GCN1: variants seen among roughly 807,000 people sequenced by gnomAD.
GCN1 encodes the protein stalled ribosome sensor GCN1.
GCN1 carries 90 observed loss-of-function variants against 288.4 expected under a neutral mutation model. That is an observed-to-expected ratio of 0.31 (90% CI 0.26 to 0.37). GCN1 has a LOEUF of 0.37. Ranked by LOEUF, GCN1 falls within the 10% of genes least tolerant of loss-of-function variation. The pLI is 1.00. For synonymous variants in GCN1, 1,386 were observed against 1,420.2 expected (o/e 0.98, Z 0.54); for missense variants, 2,586 against 3,419.9 (o/e 0.76, Z 6.08).
rs547436710 is a variant in GCN1 at position 120,152,815 on chromosome 12, T to C, written c.4062+398A>G. On this transcript the variant is annotated intron_variant, in intron 33 of 57. Transcript: ENST00000300648. ...CACATGTAGAGGGCCAGAAAAAGGC[T>C]TGACATAAGAGAAAGCCTGACCTTT... 3.3e-5 allele frequency among the ~76,000 whole-genome samples: 5 copies of C among 152,062 alleles called. No individual in the cohort carries two copies. In the Middle Eastern group the frequency reaches 0.014, roughly 417 times the overall value.
rs879447996 is a variant in GCN1 at position 120,136,044 on chromosome 12, C to CA, written c.7008+457dup. Among the ~76,000 whole-genome samples the CA allele has an allele frequency of 3.4e-3, 515 of 150,184 alleles. 1 individual carries two copies. The highest frequency in any genetic ancestry group is 5.9e-3 in the Non-Finnish European group (397 of 67,430). On this transcript the variant is annotated intron_variant, in intron 51 of 57. Coordinates refer to ENST00000300648, the MANE Select transcript of GCN1 (RefSeq NM_006836.2). ...AAACAAAACAAAACAAAACAAAAAA[C>CA]AAAAAAAAACAAAAACTGCAATATC...
At chr12:120,192,178 T>C (rs1879023547) in intron 1 of GCN1, among the ~76,000 whole-genome samples, 1 of 152,236 alleles carries the variant, frequency 6.6e-6, no homozygotes, top group African/African-American at 2.4e-5. Flanking sequence ...TTTTGCCATT[T>C]GTCTAAATCT....
At chr12:120,161,835 T>C (rs201687785) in intron 21 of GCN1, 45 bp downstream of exon 21, 52 of 1,575,844 alleles carry the variant, frequency 3.3e-5, no homozygotes, top group Non-Finnish European at 4.4e-5. Context: ...AAGAAAACTA[T>C]GCCTTGGGGA....
chr12:120,169,856 T>C (rs1427097941), intron 15 of GCN1, among the ~76,000 whole-genome samples: 2 of 152,220 alleles, frequency 1.3e-5, no homozygotes, highest in Non-Finnish European at 2.9e-5. Flanking sequence ...TATATCCTTT[T>C]GAATTTTGTA....
intron 53 of GCN1, among the ~76,000 whole-genome samples, chr12:120,133,947 G>A (rs1246621068): frequency 6.6e-6 from 1 of 152,128 alleles, no homozygotes; most frequent in Non-Finnish European, 1.5e-5. Flanking sequence ...GCGGACACCT[G>A]TAATCCCAGC....
intron 51 of GCN1, among the ~76,000 whole-genome samples, chr12:120,135,113 T>C (rs916799042): frequency 3.9e-5 from 6 of 152,164 alleles, no homozygotes; most frequent in African/African-American, 1.2e-4. Flanking sequence ...ACAGTTCTAA[T>C]GCCAAGACAG....
chr12:120,147,785 G>A (rs976211320), intron 37 of GCN1, among the ~76,000 whole-genome samples: 1 of 152,094 alleles, frequency 6.6e-6, no homozygotes, highest in East Asian at 1.9e-4. Context: ...CCTAGCGATC[G>A]ACCTCTTCCC....
At chr12:120,149,418 C>A (rs1254516273) in intron 36 of GCN1, among the ~76,000 whole-genome samples, 188 bp downstream of exon 36, 1 of 151,992 alleles carries the variant, frequency 6.6e-6, no homozygotes, top group Non-Finnish European at 1.5e-5. Context: ...ATGGTTTGAG[C>A]CCCAAAGGTA....
At chr12:120,182,616 A>G (rs915843820) in intron 5 of GCN1, among the ~76,000 whole-genome samples, 35 of 152,198 alleles carry the variant, frequency 2.3e-4, no homozygotes, top group African/African-American at 7.0e-4. Flanking sequence ...TCAGAAGTTA[A>G]GTGACTCAGC....
chr12:120,140,548 T>C (rs1353619144), intron 45 of GCN1, among the ~76,000 whole-genome samples: 2 of 152,122 alleles, frequency 1.3e-5, no homozygotes, highest in East Asian at 1.9e-4. Context: ...TGGACTTATA[T>C]AGCATCACAA....
intron 2 of GCN1, among the ~76,000 whole-genome samples, chr12:120,188,310 T>C (rs1460358946): frequency 1.3e-5 from 2 of 152,050 alleles, no homozygotes; most frequent in East Asian, 3.9e-4. Flanking sequence ...AGCAGGTGCC[T>C]GTAATCCCAG....
chr12:120,150,586 AAAAGAAAG>A (rs766827133), intron 34 of GCN1, among the ~76,000 whole-genome samples: 3 of 150,200 alleles, frequency 2.0e-5, no homozygotes, highest in Non-Finnish European at 4.4e-5. Context: ...TCTCAAAAAA[AAAAGAAAG>A]AAAGAAAGAA....
rs1359074196 is a variant in GCN1, at chr12:120,144,862, C to T, written c.5156-27G>A. On this transcript the variant is annotated intron_variant, in intron 40 of 57. Transcript: ENST00000300648. The surrounding 1 kb of genome is among the most constrained non-coding windows in gnomAD (Gnocchi z 4.7). ...TGCAACAAAGGACAGAATGAGTCCA[C>T]TGGATCTGAGGGCCCCTTAGAGCAT... is the stretch of plus-strand genomic sequence containing the variant. 6.2e-7 allele frequency: 1 copy of T among 1,614,074 alleles called. No homozygotes were observed. The highest frequency in any genetic ancestry group is 1.7e-5 in the Admixed American group (1 of 60,024).
intron 57 of GCN1, among the ~76,000 whole-genome samples, chr12:120,128,688 T>C (rs886975507): frequency 3.3e-5 from 5 of 151,874 alleles, no homozygotes; most frequent in Non-Finnish European, 5.9e-5. Context: ...TGAACACAAC[T>C]CTGGGTTTCC....
chr12:120,156,914 G>A lies in GCN1; in HGVS notation c.3166C>T (p.Gln1056Ter). 6.2e-7 allele frequency: 1 copy of A among 1,605,402 alleles called. No homozygotes were observed. Among genetic ancestry groups the A allele is most frequent in the South Asian group, 1.1e-5 (1 of 90,928 alleles). ...WVIGTGSPRL[Q>*]VLASDTLTTL... is the part of the protein sequence containing the mutation. The stretch of plus-strand genomic sequence containing the variant: ...CAGCCAACTGAAAACCACATCACCT[G>A]TAAGCGAGGCGAGCCCGTCCCGATC... Residue 1056 changes from glutamine (Q) to a stop codon, truncating the protein, a stop_gained and splice_region_variant, in exon 27 of 58, where the codon CAG becomes TAG. Coordinates refer to ENST00000300648, the MANE Select transcript of GCN1 (RefSeq NM_006836.2). LOFTEE classifies it high-confidence loss of function. This position sits in a 1 kb window ranked among gnomAD's most constrained non-coding sequence, Gnocchi z 5.8.
chr12:120,135,671 G>A (rs11065032), intron 51 of GCN1, among the ~76,000 whole-genome samples: 1 of 152,070 alleles, frequency 6.6e-6, no homozygotes, highest in Non-Finnish European at 1.5e-5. Context: ...CTTACTTATT[G>A]TTAATTAGGA....
chr12:120,158,489 A>G lies in GCN1; in HGVS notation c.2876T>C (p.Ile959Thr), dbSNP rs1380950605. The G allele has an allele frequency of 6.4e-7, 1 of 1,559,660 alleles. No homozygotes were observed. Among genetic ancestry groups the G allele is most frequent in the Non-Finnish European group, 8.7e-7 (1 of 1,151,516 alleles). Residue 959 changes from isoleucine to threonine, a missense_variant, in exon 25 of 58, where the codon ATC becomes ACC. Physicochemically the swap from Ile to Thr is moderately conservative, Grantham distance 89 (BLOSUM62 -1). Around this residue, in one of 8 missense-constraint regions of GCN1, gnomAD observed 153 missense variants for 252.0 expected, o/e 0.61. Transcript: ENST00000300648. The surrounding 1 kb of genome is among the most constrained non-coding windows in gnomAD (Gnocchi z 4.3). ...CTCCCCCTTGCCCACCCTGCTGGTGATGGTGTGGGTGTGCAGCAGCATCAC... is the reference window on the plus strand; with the variant it reads ...CTCCCCCTTGCCCACCCTGCTGGTGGTGGTGTGGGTGTGCAGCAGCATCAC... ...RAVMLLHTHT[I>T]TSRVGKGEPG...
At chr12:120,175,532 TC>T (rs1878453395) in intron 11 of GCN1, among the ~76,000 whole-genome samples, 1 of 152,206 alleles carries the variant, frequency 6.6e-6, no homozygotes, top group Non-Finnish European at 1.5e-5. Flanking sequence ...AAAATGTGTA[TC>T]TTAAAAACAA....
Position 120,134,207 on chromosome 12 carries a change from TA to T in GCN1, c.7317+83del. On this transcript the variant is annotated intron_variant, in intron 53 of 57. Coordinates refer to ENST00000300648, the MANE Select transcript of GCN1 (RefSeq NM_006836.2). This position sits in a 1 kb window ranked among gnomAD's most constrained non-coding sequence, Gnocchi z 5.0. ...TATTACTACTGAGCTGTACTGGTTC[TA>T]ACACAAAGTGAAGAACTCAACCTAA... is the stretch of plus-strand genomic sequence containing the variant. The T allele has an allele frequency of 2.3e-6, 2 of 873,032 alleles. No homozygotes were observed. Among genetic ancestry groups the T allele is most frequent in the Admixed American group, 1.8e-5 (1 of 56,588 alleles). The allele number at this position is 873,032 out of a possible 1,614,324, so 54.1% of individuals were successfully genotyped here.
Sources: gnomAD v4.1 joint callset for allele counts (sites outside exome capture counted in the v4.1 genomes callset) on GRCh38, gnomAD v4.1.1 for gene constraint, gnomAD v4.1.1 regional missense constraint, Gnocchi (gnomAD v3.1) non-coding constraint, MANE v1.5 for transcripts, NCBI Gene and HGNC (gene_info 2026-07-23, HGNC 2026-07-21) for gene names.